Variants in CFAP74 observed in about 807,000 individuals in gnomAD.
CFAP74 encodes the protein cilia- and flagella-associated protein 74.
Under a neutral mutation model 188.9 loss-of-function variants are expected in CFAP74, and 124 were observed. The observed-to-expected ratio is 0.66, with a 90% confidence interval of 0.57 to 0.76. The LOEUF (loss-of-function observed/expected upper bound fraction) is 0.76. Ranked by LOEUF, CFAP74 falls within the 30% of genes least tolerant of loss-of-function variation. The pLI is 0.00. For synonymous variants in CFAP74, 956 were observed against 916.7 expected (o/e 1.04, Z -0.77); for missense variants, 2,198 against 2,165.2 (o/e 1.02, Z -0.30).
intron 8 of CFAP74, among the ~76,000 whole-genome samples, chr1:1,972,288 T>G (rs1570950093): frequency 1.3e-5 from 2 of 151,972 alleles, no homozygotes; most frequent in Admixed American, 1.3e-4. Context: ...CCGTGTGGGG[T>G]GTTAATTACA....
At chr1:1,993,198 CAAAAA>C (rs58970740) in intron 1 of CFAP74, among the ~76,000 whole-genome samples, 1 of 90,472 alleles carries the variant, frequency 1.1e-5, no homozygotes. Flanking sequence ...AAGACTGTCT[CAAAAA>C]AAAAAAAAAA....
intron 6 of CFAP74, among the ~76,000 whole-genome samples, chr1:1,978,669 C>A (rs1656601704): frequency 6.6e-6 from 1 of 152,190 alleles, no homozygotes; most frequent in Non-Finnish European, 1.5e-5. Context: ...GGGGAACCAG[C>A]CCTGCCCACA....
intron 18 of CFAP74, chr1:1,955,045 GGCTC>G: frequency 7.9e-7 from 1 of 1,260,066 alleles, no homozygotes; most frequent in Non-Finnish European, 1.0e-6. Context: ...CCGGAAGTGC[GGCTC>G]ACACCGGAAG....
chr1:1,968,790 T>C lies in CFAP74; in HGVS notation c.1090A>G (p.Ser364Gly). 6.2e-7 allele frequency: 1 copy of C among 1,614,114 alleles called. No individual in the cohort carries two copies. The change falls in exon 11 of 39, where the codon AGT becomes GGT. Residue 364 changes from serine to glycine, a missense_variant. By Grantham distance (56) the Ser-to-Gly change is moderately conservative. Transcript: ENST00000682832. This position sits in a 1 kb window ranked among gnomAD's most constrained non-coding sequence, Gnocchi z 4.3. ...TCAGCCTCCTCTTTCAGAATCCGAC[T>C]GATGATCTCCTGCTTTCTGAGCTTC... ...EQKLRKQEII[S>G]RILKEEAEEE...
chr1:2,000,853 G>A (rs1394183183), intron 1 of CFAP74, among the ~76,000 whole-genome samples: 1 of 152,142 alleles, frequency 6.6e-6, no homozygotes, highest in Non-Finnish European at 1.5e-5. Context: ...GAGGCTTAGA[G>A]ACAGCCCCGA....
In CFAP74 at chr1:1,972,017, G is replaced by A. The variant is rs761978448; in HGVS notation, c.851C>T (p.Ala284Val). 65 of 1,612,332 alleles carry A rather than the reference G, an allele frequency of 4.0e-5. No individual in the cohort carries two copies. In the East Asian group the frequency reaches 5.8e-4, roughly 14 times the overall value. ...GATGCTGCCCTTCAGCGCCACCACC[G>A]CATCCATGCGTCGCCTCATGTACTC... is the stretch of plus-strand genomic sequence containing the variant. ...CHEYMRRRMDAVVALKGSISA... is the reference protein window; with the variant it reads ...CHEYMRRRMDVVVALKGSISA... The change falls in exon 9 of 39, where the codon GCG becomes GTG. Residue 284 changes from alanine (A) to valine (V), a missense_variant. Transcript: ENST00000682832.
chr1:1,985,514 GGGC>G (rs1558059867), intron 5 of CFAP74, 24 bp from the exon 6 acceptor site: 2 of 1,585,512 alleles, frequency 1.3e-6, no homozygotes, highest in Admixed American at 3.3e-5. Context: ...CGGACAGGCC[GGGC>G]GTGTGTCAGG....
chr1:1,976,339 G>A (rs114288266), intron 6 of CFAP74, among the ~76,000 whole-genome samples: 139 of 152,248 alleles, frequency 9.1e-4, no homozygotes, highest in African/African-American at 3.2e-3. Flanking sequence ...CCTTGGTGAC[G>A]AGTGAGTTCA....
intron 13 of CFAP74, 99 bp downstream of exon 13, chr1:1,964,789 C>T: frequency 7.4e-7 from 1 of 1,353,106 alleles, no homozygotes; most frequent in South Asian, 1.3e-5. Context: ...GACTCCATCT[C>T]AAAAAAAAGC....
chr1:1,944,287 G>A (rs529383880), intron 21 of CFAP74, 44 bp downstream of exon 21: 4 of 1,522,178 alleles, frequency 2.6e-6, no homozygotes, highest in East Asian at 2.5e-5. Context: ...GGCTCACCCC[G>A]TGTGCGTGGG....
rs1652031915 is a variant in CFAP74, at chr1:1,927,766, C to T, written c.3388-20G>A. 4.5e-6 allele frequency: 7 copies of T among 1,546,760 alleles called. No individual in the cohort carries two copies. Among genetic ancestry groups the T allele is most frequent in the Non-Finnish European group, 6.1e-6 (7 of 1,144,892 alleles). On this transcript the variant is annotated intron_variant, in intron 27 of 38. Transcript: ENST00000682832. ...TCGGAACTGTGGGGGGAGCGACTGG[C>T]TGTGGGGCTGTGCAGGGCCCTAAAC...
chr1:1,990,118 T>A (rs1657483618), intron 2 of CFAP74, among the ~76,000 whole-genome samples: 1 of 152,184 alleles, frequency 6.6e-6, no homozygotes, highest in South Asian at 2.1e-4. Flanking sequence ...CGTATTAAAA[T>A]GTTTCCAGCT....
chr1:1,928,176 G>T (rs1652072153), intron 27 of CFAP74, among the ~76,000 whole-genome samples: 1 of 139,712 alleles, frequency 7.2e-6, no homozygotes, highest in Non-Finnish European at 1.6e-5. Flanking sequence ...GGCCGGGAAG[G>T]GCAAACCCTT....
chr1:1,964,206 T>C (rs1655296945), intron 13 of CFAP74, among the ~76,000 whole-genome samples: 1 of 152,174 alleles, frequency 6.6e-6, no homozygotes, highest in East Asian at 1.9e-4. Flanking sequence ...TGGGGTCAAA[T>C]ACAGGAGCCC....
At position 1,926,230 on chromosome 1, in the gene CFAP74, G is replaced by A. The variant is rs1362990849; in HGVS notation, c.3946C>T (p.Leu1316=). Residue 1316 remains leucine (L), a splice_region_variant and synonymous_variant, in exon 32 of 39, where the codon CTG becomes TTG. Transcript: ENST00000682832. ...GCCAGGGTGGGCCTGGGACTCACCAGGATGCTCTCGTGGGGAGAGAAGGAA... is the reference window on the plus strand; with the variant it reads ...GCCAGGGTGGGCCTGGGACTCACCAAGATGCTCTCGTGGGGAGAGAAGGAA... ...VLSFSPHESI[L]AQETLDIITK... is the part of the protein sequence containing the mutation. The A allele has an allele frequency of 6.6e-7, 1 of 1,506,750 alleles. No homozygotes were observed. Among genetic ancestry groups the A allele is most frequent in the South Asian group, 1.3e-5 (1 of 76,382 alleles). 93.3% of individuals were successfully genotyped at this position (1,506,750 alleles called of 1,614,324 possible). A position where few individuals can be genotyped will look rare whatever the true frequency, so the allele number is the denominator to read the frequency against.
In CFAP74 at chr1:1,972,934, T is replaced by C. The variant is rs1227928552; in HGVS notation, c.785+3A>G. ...CCTTAAGGACGTCGAAGGGAGGCCC[T>C]ACCTTCCCAGGGAGGCCTTCAGGAA... On this transcript the variant is annotated splice_donor_region_variant and intron_variant, in intron 8 of 38. Transcript: ENST00000682832. 2 of 1,607,816 alleles carry C rather than the reference T, an allele frequency of 1.2e-6. No homozygotes were observed. Among genetic ancestry groups the C allele is most frequent in the Admixed American group, 1.7e-5 (1 of 59,974 alleles).
chr1:1,975,183 G>A lies in CFAP74; in HGVS notation c.501-985C>T, dbSNP rs987845858. On this transcript the variant is annotated intron_variant, in intron 6 of 38. Coordinates refer to ENST00000682832, the MANE Select transcript of CFAP74 (RefSeq NM_001304360.2). The surrounding 1 kb of genome is among the most constrained non-coding windows in gnomAD (Gnocchi z 4.5). ...CGTTAAAAGCTTTTCCTGTGGAGCCGAGTCCAGTCTCTCTCCCCACTGCAA... is the reference window on the plus strand; with the variant it reads ...CGTTAAAAGCTTTTCCTGTGGAGCCAAGTCCAGTCTCTCTCCCCACTGCAA... Among the ~76,000 whole-genome samples the A allele has an allele frequency of 4.6e-5, 7 of 152,188 alleles. No homozygotes were observed. The highest frequency in any genetic ancestry group is 7.2e-5 in the African/African-American group (3 of 41,444).
chr1:1,994,252 C>T (rs1003845817), intron 1 of CFAP74, among the ~76,000 whole-genome samples: 1 of 150,710 alleles, frequency 6.6e-6, no homozygotes, highest in Non-Finnish European at 1.5e-5. Context: ...ATTAGCACTA[C>T]CATTTTGCAT....
chr1:1,948,248 C>G (rs562522315), intron 18 of CFAP74, among the ~76,000 whole-genome samples: 1 of 151,932 alleles, frequency 6.6e-6, no homozygotes, highest in African/African-American at 2.4e-5. Flanking sequence ...TGGACCTGAG[C>G]GCAGGTGGTC....
Sources: gnomAD v4.1 joint callset for allele counts (sites outside exome capture counted in the v4.1 genomes callset) on GRCh38, gnomAD v4.1.1 for gene constraint, Gnocchi (gnomAD v3.1) non-coding constraint, MANE v1.5 for transcripts, NCBI Gene and HGNC (gene_info 2026-07-23, HGNC 2026-07-21) for gene names.